Variants in CTNNA2 observed in about 807,000 individuals in gnomAD.
CTNNA2 encodes catenin alpha 2.
A neutral mutation model predicts 101.0 loss-of-function variants in CTNNA2; 42 were observed. That is an observed-to-expected ratio of 0.42 (90% CI 0.32 to 0.54). The LOEUF is 0.54. Among genes scored for constraint, CTNNA2 ranks in the 20% least tolerant of loss-of-function variants. The pLI is 0.14. For synonymous variants in CTNNA2, 450 were observed against 456.4 expected (o/e 0.99, Z 0.18); for missense variants, 871 against 1,223.1 (o/e 0.71, Z 4.29).
At chr2:79,550,936 G>A (rs555253191) in intron 1 of CTNNA2, among the ~76,000 whole-genome samples, 1 of 152,270 alleles carries the variant, frequency 6.6e-6, no homozygotes, top group East Asian at 1.9e-4. Context: ...TTAACCACAG[G>A]TTCATCACCG....
intron 18 of CTNNA2, among the ~76,000 whole-genome samples, chr2:80,635,975 T>TTG (rs1446230854): frequency 9.9e-5 from 15 of 150,848 alleles, no homozygotes; most frequent in African/African-American, 3.4e-4. Flanking sequence ...CCATTGCTTT[T>TTG]TTTTTTTTTT....
chr2:79,505,558 A>G (rs765299181), intron 5 of CTNNA2, among the ~76,000 whole-genome samples: 16 of 152,210 alleles, frequency 1.1e-4, no homozygotes, highest in Non-Finnish European at 7.3e-5. Flanking sequence ...GTCAATTTCT[A>G]TATCAAAATC....
intron 3 of CTNNA2, among the ~76,000 whole-genome samples, chr2:79,323,758 G>T (rs1676679288): frequency 6.6e-6 from 1 of 152,108 alleles, no homozygotes; most frequent in African/African-American, 2.4e-5. Flanking sequence ...AAAGTCTTTT[G>T]GGTATAGGGA....
chr2:80,378,467 A>C (rs1305278545), intron 7 of CTNNA2, among the ~76,000 whole-genome samples: 6 of 151,944 alleles, frequency 3.9e-5, no homozygotes, highest in African/African-American at 1.5e-4. Context: ...ACACACACAC[A>C]CACATTCATT....
chr2:79,262,644 G>T (rs532122783), intron 2 of CTNNA2, among the ~76,000 whole-genome samples: 3 of 152,068 alleles, frequency 2.0e-5, no homozygotes, highest in Non-Finnish European at 4.4e-5. Flanking sequence ...TTTAAAATGC[G>T]AATTCTCAGG....
chr2:80,081,868 G>A (rs115657704), intron 7 of CTNNA2, among the ~76,000 whole-genome samples: 6 of 152,124 alleles, frequency 3.9e-5, no homozygotes, highest in African/African-American at 1.4e-4. Context: ...TTTATTAGCT[G>A]AGGAAATAAT....
rs1289769570 is a variant in CTNNA2, at chr2:80,277,414, T to C, written c.1057-115797T>C. On this transcript the variant is annotated intron_variant, in intron 7 of 18. Transcript: ENST00000402739. ...TTTAATCCTCTGATTGCATGATTGC[T>C]CTTTCTATGACTGGCCACCATCTTG... Among the ~76,000 whole-genome samples the C allele has an allele frequency of 2.0e-5, 3 of 152,244 alleles. No homozygotes were observed. The East Asian group carries it at 5.8e-4, about 30-fold the overall frequency.
chr2:80,087,589 C>T (rs1280632311), intron 7 of CTNNA2, among the ~76,000 whole-genome samples: 1 of 152,024 alleles, frequency 6.6e-6, no homozygotes, highest in Non-Finnish European at 1.5e-5. Flanking sequence ...GTGGGCTGCT[C>T]TCTGGAGTGA....
intron 7 of CTNNA2, among the ~76,000 whole-genome samples, chr2:80,057,271 A>T (rs1430021895): frequency 6.6e-6 from 1 of 151,608 alleles, no homozygotes. Flanking sequence ...TATTCAAACT[A>T]TTGGGAATAT....
intron 7 of CTNNA2, among the ~76,000 whole-genome samples, chr2:80,003,448 T>C (rs991678594): frequency 1.1e-4 from 16 of 152,148 alleles, no homozygotes; most frequent in African/African-American, 3.9e-4. Flanking sequence ...ATAGCAATAA[T>C]GCAGCTTCCC....
chr2:79,259,881 C>T (rs774777855), intron 2 of CTNNA2, among the ~76,000 whole-genome samples: 3 of 152,134 alleles, frequency 2.0e-5, no homozygotes, highest in Non-Finnish European at 2.9e-5. Flanking sequence ...AGATAAGAGA[C>T]AATGCTATGT....
chr2:79,306,914 C>A (rs981999698), intron 2 of CTNNA2, among the ~76,000 whole-genome samples: 1 of 152,014 alleles, frequency 6.6e-6, no homozygotes, highest in Admixed American at 6.6e-5. Flanking sequence ...TCTGGTTTTG[C>A]CTTTTGTGGA....
intron 9 of CTNNA2, among the ~76,000 whole-genome samples, chr2:80,458,896 G>C (rs1684196932): frequency 6.6e-6 from 1 of 152,136 alleles, no homozygotes; most frequent in African/African-American, 2.4e-5. Flanking sequence ...GTCTAGAATA[G>C]ATGTACACAA....
At chr2:80,572,237 T>C (rs1221593021) in intron 12 of CTNNA2, among the ~76,000 whole-genome samples, 1 of 152,208 alleles carries the variant, frequency 6.6e-6, no homozygotes, top group Non-Finnish European at 1.5e-5. Flanking sequence ...TTGCATTATT[T>C]CTCTGATTAT....
chr2:79,905,835 AT>A (rs1423676607), intron 6 of CTNNA2, among the ~76,000 whole-genome samples: 3 of 152,136 alleles, frequency 2.0e-5, no homozygotes, highest in African/African-American at 7.2e-5. Flanking sequence ...TTACTTTCAA[AT>A]TATACAATGG....
chr2:80,033,303 C>G (rs1265691821), intron 7 of CTNNA2, among the ~76,000 whole-genome samples: 1 of 152,054 alleles, frequency 6.6e-6, no homozygotes. Flanking sequence ...TGGTTCATAC[C>G]TGTAATCCCA....
chr2:79,937,455 T>TGAAGAAA (rs1368938273), intron 7 of CTNNA2, among the ~76,000 whole-genome samples: 5 of 152,252 alleles, frequency 3.3e-5, no homozygotes, highest in Admixed American at 2.0e-4. Context: ...AGGCTATGTC[T>TGAAGAAA]TCACTCATGA....
At chr2:79,501,423 T>A (rs558935990) in intron 4 of CTNNA2, among the ~76,000 whole-genome samples, 1 of 152,210 alleles carries the variant, frequency 6.6e-6, no homozygotes, top group Non-Finnish European at 1.5e-5. Flanking sequence ...AGCCACTGCA[T>A]TCAGCTTATC....
Position 79,869,939 on chromosome 2 carries a change from G to A in CTNNA2, c.585+4G>A. The A allele has an allele frequency of 6.2e-7, 1 of 1,612,818 alleles. No homozygotes were observed. Among genetic ancestry groups the A allele is most frequent in the South Asian group, 1.1e-5 (1 of 90,840 alleles). On this transcript the variant is annotated splice_donor_region_variant and intron_variant, in intron 5 of 18. Coordinates refer to ENST00000402739, the MANE Select transcript of CTNNA2 (RefSeq NM_001282597.3). ...TGTAGCAGCAAGAAGACAACAGGTG[G>A]GAAAGATTTTAGAAATGCTAGGGGA...
Sources: allele counts gnomAD v4.1 joint callset (sites outside exome capture counted in the v4.1 genomes callset), GRCh38; gene constraint gnomAD v4.1.1; transcripts MANE v1.5; gene names NCBI Gene and HGNC (gene_info 2026-07-23, HGNC 2026-07-21).